Variants in NAF1 observed in about 807,000 individuals in gnomAD.
The protein encoded by NAF1 is nuclear assembly factor 1 ribonucleoprotein.
NAF1 carries 11 observed loss-of-function variants against 40.6 expected under a neutral mutation model. The observed-to-expected ratio is 0.27, with a 90% CI of 0.17 to 0.45. NAF1 has a LOEUF of 0.45. NAF1 is among the 20% of genes least tolerant of loss of function. The pLI, the probability that NAF1 is intolerant of heterozygous loss-of-function variation, is 1.00. For missense variants in NAF1, 607 were observed against 611.1 expected (o/e 0.99, Z 0.07); for synonymous variants, 260 against 228.5 (o/e 1.14, Z -1.24).
chr4:163,148,288 A>C, intron 3 of NAF1, 53 bp downstream of exon 3: 1 of 1,098,768 alleles, frequency 9.1e-7, no homozygotes, highest in Non-Finnish European at 1.3e-6. Context: ...TCATTGATTC[A>C]ATTATTAGTG....
At chr4:163,154,538 G>A (rs1326584026) in intron 2 of NAF1, among the ~76,000 whole-genome samples, 1 of 152,128 alleles carries the variant, frequency 6.6e-6, no homozygotes, top group Non-Finnish European at 1.5e-5. Context: ...CTGAATTAAG[G>A]GAAAACAGAT....
chr4:163,155,503 T>C (rs1377835954), intron 2 of NAF1, among the ~76,000 whole-genome samples: 2 of 152,124 alleles, frequency 1.3e-5, no homozygotes, highest in Non-Finnish European at 1.5e-5. Context: ...TAACCCGATA[T>C]AGAATCCTCA....
intron 2 of NAF1, among the ~76,000 whole-genome samples, chr4:163,149,564 AG>A (rs1731612534): frequency 6.6e-6 from 1 of 152,180 alleles, no homozygotes; most frequent in Admixed American, 6.5e-5. Flanking sequence ...CTGATGCAGA[AG>A]GAAGTCAGCA....
chr4:163,115,211 AT>A (rs1223572781), intron 2 of NAF1, among the ~76,000 whole-genome samples: 30 of 97,350 alleles, frequency 3.1e-4, no homozygotes, highest in African/African-American at 4.5e-4. Context: ...TTTTTTATTT[AT>A]TTTTTTTTTT....
intron 6 of NAF1, among the ~76,000 whole-genome samples, chr4:163,134,046 T>C (rs1730967945): frequency 1.3e-5 from 2 of 152,170 alleles, no homozygotes; most frequent in African/African-American, 4.8e-5. Context: ...TATTTAAAAA[T>C]TAAAGGTGGT....
intron 2 of NAF1, among the ~76,000 whole-genome samples, chr4:163,115,297 C>T (rs2110813614): frequency 6.6e-6 from 1 of 151,178 alleles, no homozygotes; most frequent in South Asian, 2.1e-4. Flanking sequence ...CAAGCTCCGC[C>T]TCCCAGGTTC....
intron 6 of NAF1, among the ~76,000 whole-genome samples, chr4:163,134,022 T>C (rs1369077764): frequency 6.6e-6 from 1 of 152,154 alleles, no homozygotes; most frequent in Non-Finnish European, 1.5e-5. Flanking sequence ...ATGATCCAAC[T>C]CCTAAGAGGA....
In NAF1 at chr4:163,166,408, G is replaced by A; in HGVS notation, c.320C>T (p.Ala107Val). The change falls in exon 1 of 8, where the codon GCG becomes GTG. Residue 107 changes from alanine to valine, a missense_variant. This residue lies in a region of NAF1 where 407 missense variants were observed against 365.5 expected (regional missense o/e 1.11). Transcript: ENST00000274054. ...TSPGAAEPAR[A>V]PDSLETSDSD... ...GTCCGAGGTCTCCAAGGAGTCCGGC[G>A]CCCGCGCAGGCTCTGCGGCTCCTGG... The A allele has an allele frequency of 3.1e-6, 5 of 1,607,550 alleles. No homozygotes were observed. Among genetic ancestry groups the A allele is most frequent in the Non-Finnish European group, 4.2e-6 (5 of 1,176,614 alleles).
downstream of NAF1, among the ~76,000 whole-genome samples, chr4:163,107,172 A>C (rs1424587719): frequency 1.3e-5 from 2 of 152,204 alleles, no homozygotes; most frequent in African/African-American, 4.8e-5. Flanking sequence ...CTTTTAGTAC[A>C]GGCGGGGTTT....
chr4:163,138,057 A>G (rs1268898441), intron 5 of NAF1, among the ~76,000 whole-genome samples: 1 of 152,170 alleles, frequency 6.6e-6, no homozygotes, highest in Non-Finnish European at 1.5e-5. Flanking sequence ...TTATGTTAAA[A>G]TATCACAAAG....
At chr4:163,136,417 A>T (rs1181712151) in intron 6 of NAF1, 7 of 151,032 alleles carry the variant, frequency 4.6e-5, no homozygotes, top group African/African-American at 1.5e-4. Flanking sequence ...TCTCATGTAT[A>T]ATTTTTACTT....
Position 163,137,269 on chromosome 4 carries a change from G to A in NAF1, c.879-19C>T. On this transcript the variant is annotated intron_variant, in intron 5 of 7. Transcript: ENST00000274054. ...CTTATCCCTGAGTGGGGTGGGGATG[G>A]GAGTCAAAAAAGTATTCATCACAAT... 6.3e-7 allele frequency: 1 copy of A among 1,594,190 alleles called. No homozygotes were observed. The highest frequency in any genetic ancestry group is 8.5e-7 in the Non-Finnish European group (1 of 1,171,856).
intron 5 of NAF1, among the ~76,000 whole-genome samples, chr4:163,139,880 GAA>G (rs999816411): frequency 6.6e-6 from 1 of 150,948 alleles, no homozygotes; most frequent in Non-Finnish European, 1.5e-5. Flanking sequence ...TTACTTAACT[GAA>G]AAAAAAGTTA....
chr4:163,144,504 AG>A (rs1326436187), intron 4 of NAF1, among the ~76,000 whole-genome samples: 1 of 152,320 alleles, frequency 6.6e-6, no homozygotes, highest in African/African-American at 2.4e-5. Flanking sequence ...ATAATCTAAA[AG>A]GTACTCAGTT....
At chr4:163,107,546 C>T (rs1024819525), downstream of NAF1, among the ~76,000 whole-genome samples, 6 of 152,124 alleles carry the variant, frequency 3.9e-5, no homozygotes, top group African/African-American at 7.2e-5. Context: ...CAATATGGAC[C>T]TCACTTCAGT....
chr4:163,152,463 T>C (rs1008213747), intron 2 of NAF1, among the ~76,000 whole-genome samples: 2 of 152,152 alleles, frequency 1.3e-5, no homozygotes, highest in African/African-American at 4.8e-5. Context: ...ACAATTTTGG[T>C]CAAAAACAGT....
intron 2 of NAF1, among the ~76,000 whole-genome samples, chr4:163,152,931 G>A (rs994899320): frequency 2.0e-5 from 3 of 152,194 alleles, no homozygotes; most frequent in African/African-American, 2.4e-5. Flanking sequence ...GGAGGGCCCC[G>A]CACTCAGAGC....
exon 3 of NAF1, chr4:163,110,221 G>A (rs2110789560): frequency 2.9e-6 from 2 of 683,550 alleles, no homozygotes; most frequent in Non-Finnish European, 5.3e-6. Flanking sequence ...CATCATTTGA[G>A]GATACAGTAC....
At chr4:163,146,307 A>T (rs1731467779) in intron 3 of NAF1, among the ~76,000 whole-genome samples, 1 of 152,226 alleles carries the variant, frequency 6.6e-6, no homozygotes, top group African/African-American at 2.4e-5. Context: ...AAGTTAAATA[A>T]AAGGCTTCAC....
Sources: allele counts gnomAD v4.1 joint callset (sites outside exome capture counted in the v4.1 genomes callset), GRCh38; gene constraint gnomAD v4.1.1; regional missense constraint gnomAD v4.1.1; transcripts MANE v1.5; gene names NCBI Gene and HGNC (gene_info 2026-07-23, HGNC 2026-07-21).